Variants in HCK observed in about 807,000 individuals in gnomAD.
HCK encodes the protein tyrosine-protein kinase HCK.
In HCK, 40 loss-of-function variants were observed where a neutral mutation model predicts 70.4. The ratio of observed to expected loss-of-function variants is 0.57; its 90% CI spans 0.44 to 0.74. The LOEUF (loss-of-function observed/expected upper bound fraction) is 0.74. Among genes scored for constraint, HCK ranks in the 30% least tolerant of loss-of-function variants. The probability of loss-of-function intolerance (pLI) is 0.00; values close to 1 mark genes in which losing one functional copy is unlikely to be tolerated. For synonymous variants in HCK, 245 were observed against 263.2 expected, an observed-to-expected ratio of 0.93 and a Z score of 0.67; for missense variants, 568 against 697.2, an observed-to-expected ratio of 0.81 and a Z score of 2.09.
chr20:32,067,451 A>T lies in HCK; in HGVS notation c.63-4211A>T, dbSNP rs1363445914. Among the ~76,000 whole-genome samples, 3 of 149,254 alleles carry T rather than the reference A, an allele frequency of 2.0e-5. No homozygotes were observed. The Admixed American group carries it at 2.0e-4, about 10-fold the overall frequency. ...TTGTATCTCCTAATAGCTTCTTAGT[A>T]TGTGGCTTCGGAATGTAATTGTGTG... On this transcript the variant is annotated intron_variant, in intron 1 of 12. Transcript: ENST00000375852.
intron 5 of HCK, among the ~76,000 whole-genome samples, chr20:32,076,624 G>A (rs1428066105): frequency 1.3e-5 from 2 of 152,300 alleles, no homozygotes; most frequent in South Asian, 4.1e-4. Context: ...TAACCTAGAT[G>A]GGGGGTTCTC....
chr20:32,062,750 T>G (rs1009551882), intron 1 of HCK, among the ~76,000 whole-genome samples: 1 of 152,192 alleles, frequency 6.6e-6, no homozygotes, highest in Non-Finnish European at 1.5e-5. Context: ...TAACTGTCTA[T>G]TAGGGACAGT....
chr20:32,063,019 C>T (rs1015457928), intron 1 of HCK, among the ~76,000 whole-genome samples: 4 of 152,146 alleles, frequency 2.6e-5, no homozygotes, highest in Non-Finnish European at 5.9e-5. Flanking sequence ...TCCCCTTCAT[C>T]GCCCACAGCC....
chr20:32,056,866 C>T (rs776278560), intron 1 of HCK, among the ~76,000 whole-genome samples: 35 of 152,274 alleles, frequency 2.3e-4, no homozygotes, highest in Admixed American at 1.4e-3. Context: ...ACCACTGTAT[C>T]TTCTAACACC....
At chr20:32,062,564 G>A (rs1364068225) in intron 1 of HCK, among the ~76,000 whole-genome samples, 4 of 152,144 alleles carry the variant, frequency 2.6e-5, no homozygotes, top group Admixed American at 6.5e-5. Flanking sequence ...TTGCTCTGTC[G>A]CTCGCCATCG....
intron 1 of HCK, among the ~76,000 whole-genome samples, chr20:32,070,614 C>T (rs1278620615): frequency 1.3e-5 from 2 of 152,130 alleles, no homozygotes; most frequent in African/African-American, 4.8e-5. Flanking sequence ...CCTAAAAGAG[C>T]CAGACCTGTT....
intron 1 of HCK, among the ~76,000 whole-genome samples, chr20:32,056,516 A>AG (rs1175242019): frequency 1.5e-5 from 2 of 135,612 alleles, no homozygotes; most frequent in Non-Finnish European, 3.2e-5. Context: ...ACTCCTTCTC[A>AG]GAAAAAAAAA....
chr20:32,080,956 G>T (rs2045701866), intron 6 of HCK, among the ~76,000 whole-genome samples: 1 of 151,984 alleles, frequency 6.6e-6, no homozygotes, highest in African/African-American at 2.4e-5. Context: ...AAGCATGGTG[G>T]TGCACATCTG....
chr20:32,081,675 T>G (rs960182388), intron 6 of HCK, among the ~76,000 whole-genome samples: 9 of 152,188 alleles, frequency 5.9e-5, no homozygotes, highest in African/African-American at 2.2e-4. Context: ...AGTGAATGCC[T>G]GGGCTTTGTC....
chr20:32,071,413 C>T (rs1295292807), intron 1 of HCK, among the ~76,000 whole-genome samples: 2 of 152,230 alleles, frequency 1.3e-5, no homozygotes, highest in African/African-American at 2.4e-5. Context: ...TTGGTACCCA[C>T]GACAATGACA....
intron 1 of HCK, among the ~76,000 whole-genome samples, chr20:32,058,088 C>G (rs1423179381): frequency 6.6e-6 from 1 of 152,112 alleles, no homozygotes; most frequent in Non-Finnish European, 1.5e-5. Context: ...AACAGGAATC[C>G]CAGCCTCATC....
intron 11 of HCK, 150 bp downstream of exon 11, chr20:32,094,166 T>C: frequency 2.9e-6 from 2 of 694,254 alleles, no homozygotes; most frequent in Non-Finnish European, 4.8e-6. Flanking sequence ...TTCTGGATAA[T>C]GTCCTGAACT....
chr20:32,064,561 T>TG (rs1442710056), intron 1 of HCK, among the ~76,000 whole-genome samples: 1 of 152,228 alleles, frequency 6.6e-6, no homozygotes, highest in East Asian at 1.9e-4. Flanking sequence ...AGAGACAAGT[T>TG]GAGACTTGCC....
intron 11 of HCK, among the ~76,000 whole-genome samples, chr20:32,098,407 G>T (rs1001900378): frequency 4.6e-5 from 7 of 152,078 alleles, no homozygotes; most frequent in African/African-American, 1.7e-4. Flanking sequence ...GAGGCAGGAG[G>T]ATAGCTTGAG....
At chr20:32,069,802 A>G (rs1322629634) in intron 1 of HCK, 1 of 1,242,670 alleles carries the variant, frequency 8.0e-7, no homozygotes, top group Non-Finnish European at 1.0e-6. Context: ...AAAGTAACTC[A>G]TCTAAGCCTA....
chr20:32,052,336 C>A lies in HCK; in HGVS notation c.-89C>A. ...TGCAGGACGAGAAACGCCCGCGGCACCAAAGCCCCTCAGAGCGTCGCCCCC... is the reference window on the plus strand; with the variant it reads ...TGCAGGACGAGAAACGCCCGCGGCAACAAAGCCCCTCAGAGCGTCGCCCCC... On this transcript the variant is annotated 5_prime_UTR_variant, in exon 1 of 13. Transcript: ENST00000375852. 1.0e-6 allele frequency: 1 copy of A among 972,598 alleles called. No homozygotes were observed. Among genetic ancestry groups the A allele is most frequent in the Non-Finnish European group, 1.4e-6 (1 of 730,724 alleles). 60.2% of individuals were successfully genotyped at this position (972,598 alleles called of 1,614,324 possible). A position where few individuals can be genotyped will look rare whatever the true frequency, so the allele number is the denominator to read the frequency against.
intron 1 of HCK, 136 bp from the exon 2 acceptor site, chr20:32,071,526 G>A: frequency 9.4e-7 from 1 of 1,062,396 alleles, no homozygotes; most frequent in Non-Finnish European, 1.4e-6. Context: ...GGTGCATGGA[G>A]CTGGCAGGGG....
intron 7 of HCK, 36 bp downstream of exon 7, chr20:32,084,079 A>G (rs754997982): frequency 1.0e-5 from 16 of 1,603,660 alleles, no homozygotes; most frequent in Admixed American, 3.4e-5. Context: ...CCCCACCACG[A>G]TGGGCCCACA....
At chr20:32,084,591 AG>A in intron 8 of HCK, 48 bp downstream of exon 8, 1 of 1,543,726 alleles carries the variant, frequency 6.5e-7, no homozygotes, top group Non-Finnish European at 8.8e-7. Flanking sequence ...TGGAGGGGAG[AG>A]GGAGGCCACT....
Sources: allele counts gnomAD v4.1 joint callset (sites outside exome capture counted in the v4.1 genomes callset), GRCh38; gene constraint gnomAD v4.1.1; transcripts MANE v1.5; gene names NCBI Gene and HGNC (gene_info 2026-07-23, HGNC 2026-07-21).